Variants in SMC6 observed in about 807,000 individuals in gnomAD.
SMC6 encodes structural maintenance of chromosomes 6.
A neutral mutation model predicts 142.2 loss-of-function variants in SMC6; 79 were observed. The ratio of observed to expected loss-of-function variants is 0.56; its 90% CI spans 0.46 to 0.67. The LOEUF (loss-of-function observed/expected upper bound fraction) is 0.67. Among genes scored for constraint, SMC6 ranks in the 30% least tolerant of loss-of-function variants. The probability of loss-of-function intolerance (pLI) is 0.00; values close to 1 mark genes in which losing one functional copy is unlikely to be tolerated. For missense variants in SMC6, 1,072 were observed against 1,284.0 expected (o/e 0.83, Z 2.52); for synonymous variants, 411 against 412.4 (o/e 1.00, Z 0.04).
At chr2:17,751,005 C>CAA (rs34661130) in intron 2 of SMC6, among the ~76,000 whole-genome samples, 19,109 of 53,492 alleles carry the variant, frequency 0.36, 4,963 homozygotes, top group Non-Finnish European at 0.39. Flanking sequence ...ACAGCTGTCT[C>CAA]AAAAAAAAAA....
chr2:17,731,704 ATATTT>A lies in SMC6; in HGVS notation c.481+32_481+36del, dbSNP rs796075316. On this transcript the variant is annotated intron_variant, in intron 6 of 27. Transcript: ENST00000448223. ...TCTAATTCTTTTTGAGTATTTCCTA[ATATTT>A]TATAAGAAATGAAAAGAGAATCAAA... The A allele has an allele frequency of 9.5e-6, 15 of 1,585,054 alleles. No homozygotes were observed. The African/African-American group carries it at 1.2e-4, about 13-fold the overall frequency.
chr2:17,750,986 CAA>C (rs1030528272), intron 2 of SMC6, among the ~76,000 whole-genome samples: 3 of 85,106 alleles, frequency 3.5e-5, no homozygotes, highest in African/African-American at 1.5e-4. Flanking sequence ...GCCTGGACAA[CAA>C]GAGTGAACAG....
chr2:17,709,676 C>T (rs527425343), intron 16 of SMC6, among the ~76,000 whole-genome samples: 145 of 152,066 alleles, frequency 9.5e-4, no homozygotes, highest in Non-Finnish European at 1.8e-3. Context: ...CAGACTACAC[C>T]CTGTTCATGG....
At chr2:17,726,869 C>T (rs1418288333) in intron 7 of SMC6, among the ~76,000 whole-genome samples, 2 of 152,106 alleles carry the variant, frequency 1.3e-5, no homozygotes, top group African/African-American at 4.8e-5. Context: ...TCAGTCACCT[C>T]GGGTTCTTGT....
rs145615516 is a variant in SMC6, at chr2:17,751,448, A to C, written c.-6+1530T>G. On this transcript the variant is annotated intron_variant, in intron 2 of 27. Transcript: ENST00000448223. ...ACTGCACTCCAACCTCGGCGACAAG[A>C]GTAAAACTCTGTCTCAAACAAAAAA... Among the ~76,000 whole-genome samples, 161 of 150,428 alleles carry C rather than the reference A, an allele frequency of 1.1e-3. 3 individuals carry two copies. The East Asian group carries it at 0.028, about 26-fold the overall frequency.
In SMC6 at chr2:17,716,133, T is replaced by G; in HGVS notation, c.1478A>C (p.Asp493Ala). The G allele has an allele frequency of 6.2e-7, 1 of 1,608,008 alleles. No individual in the cohort carries two copies. The highest frequency in any genetic ancestry group is 8.5e-7 in the Non-Finnish European group (1 of 1,178,516). ...GGTAAAATGTCCTTGTCTATAAGCATCATCTATGGCTTCAAGAAGAGCTGG... is the reference window on the plus strand; with the variant it reads ...GGTAAAATGTCCTTGTCTATAAGCAGCATCTATGGCTTCAAGAAGAGCTGG... The part of the protein sequence containing the change: ...NVPALLEAID[D>A]AYRQGHFTYK... The change falls in exon 15 of 28, where the codon GAT (aspartate) becomes GCT (alanine). Residue 493 changes from aspartate (D) to alanine (A), a missense_variant. Asp to Ala is a moderately radical substitution (Grantham distance 126). Coordinates refer to ENST00000448223, the MANE Select transcript of SMC6 (RefSeq NM_001142286.2).
intron 24 of SMC6, 149 bp downstream of exon 24, chr2:17,683,489 G>C (rs896778218): frequency 4.2e-6 from 3 of 713,560 alleles, no homozygotes; most frequent in Non-Finnish European, 6.5e-6. Context: ...CTTCAGATTC[G>C]GAATTGTCTG....
chr2:17,681,352 T>C (rs1667231441), intron 24 of SMC6: 1 of 152,344 alleles, frequency 6.6e-6, no homozygotes, highest in African/African-American at 2.4e-5. Flanking sequence ...GTGTATTCAC[T>C]GGAATAGCAC....
At chr2:17,721,065 G>C (rs1346506831) in intron 10 of SMC6, 27 bp from the exon 11 acceptor site, 1 of 1,612,370 alleles carries the variant, frequency 6.2e-7, no homozygotes, top group East Asian at 2.2e-5. Context: ...ATAGCAAATT[G>C]ATCAGATTAA....
At chr2:17,717,624 T>C (rs1227137705) in intron 12 of SMC6, among the ~76,000 whole-genome samples, 2 of 152,048 alleles carry the variant, frequency 1.3e-5, no homozygotes, top group African/African-American at 4.8e-5. Context: ...TGAGCTGAGA[T>C]TGCGCCACTG....
intron 23 of SMC6, among the ~76,000 whole-genome samples, chr2:17,691,280 C>CA (rs1298096948): frequency 7.3e-6 from 1 of 137,224 alleles, no homozygotes; most frequent in African/African-American, 2.7e-5. Context: ...TATTCAGCTA[C>CA]AAAAAAGCTA....
At position 17,696,330 on chromosome 2, in the gene SMC6, T is replaced by C. The variant is rs746912004; in HGVS notation, c.2491A>G (p.Lys831Glu). 1.1e-5 allele frequency: 17 copies of C among 1,603,204 alleles called. No homozygotes were observed. The highest frequency in any genetic ancestry group is 1.4e-5 in the Non-Finnish European group (16 of 1,177,792). ...TTCATATCCAGTTCTCGTTTCTTTT[T>C]ATTTAAGGTATCCAAGTGTTCTTTT... is the stretch of plus-strand genomic sequence containing the variant. ...KQKEHLDTLN[K>E]KKRELDMKEK... The change falls in exon 22 of 28, where the codon AAA becomes GAA. Residue 831 changes from lysine (K) to glutamate (E), a missense_variant. By Grantham distance (56) the Lys-to-Glu change is moderately conservative. Around this residue, in one of 3 missense-constraint regions of SMC6, gnomAD observed 994 missense variants for 1,153.2 expected, o/e 0.86. Transcript: ENST00000448223.
chr2:17,694,000 CAAAAAAAAA>C (rs751816590), intron 23 of SMC6, among the ~76,000 whole-genome samples: 1 of 34,514 alleles, frequency 2.9e-5, no homozygotes, highest in Admixed American at 3.0e-4. Flanking sequence ...AACTCCATCT[CAAAAAAAAA>C]AAAAAAAAAA....
rs1384410462 is a variant in SMC6 at position 17,753,614 on chromosome 2, C to A, written c.-93+12G>T. Reference sequence around the variant, plus strand: ...GAGCAAGGGAAAGCGACAGCGCGCGCCTTCACCCTACCGCCAACAAGTCGA... The same window carrying A: ...GAGCAAGGGAAAGCGACAGCGCGCGACTTCACCCTACCGCCAACAAGTCGA... On this transcript the variant is annotated intron_variant, in intron 1 of 27. Coordinates refer to ENST00000448223, the MANE Select transcript of SMC6 (RefSeq NM_001142286.2). The A allele has an allele frequency of 6.6e-6, 1 of 152,282 alleles. No homozygotes were observed. Among genetic ancestry groups the A allele is most frequent in the Non-Finnish European group, 1.5e-5 (1 of 68,076 alleles). 9.4% of individuals were successfully genotyped at this position (152,282 alleles called of 1,614,324 possible). A position where few individuals can be genotyped will look rare whatever the true frequency, so the allele number is the denominator to read the frequency against.
chr2:17,685,174 TATAG>T (rs1030433135), intron 23 of SMC6, among the ~76,000 whole-genome samples: 2 of 147,718 alleles, frequency 1.4e-5, no homozygotes, highest in Non-Finnish European at 3.0e-5. Context: ...CTAGAGAAGA[TATAG>T]ATATTCAACA....
intron 25 of SMC6, among the ~76,000 whole-genome samples, chr2:17,673,152 G>A (rs1186402005): frequency 6.6e-6 from 1 of 152,080 alleles, no homozygotes; most frequent in Admixed American, 6.5e-5. Flanking sequence ...TTTCTCTGAT[G>A]ACTAACAGCG....
intron 7 of SMC6, among the ~76,000 whole-genome samples, chr2:17,727,768 T>C (rs1237627336): frequency 6.6e-6 from 1 of 152,218 alleles, no homozygotes. Flanking sequence ...ATGTTCACTG[T>C]CTACAAAATA....
intron 7 of SMC6, among the ~76,000 whole-genome samples, chr2:17,730,007 T>A (rs1401915704): frequency 6.6e-6 from 1 of 152,146 alleles, no homozygotes; most frequent in African/African-American, 2.4e-5. Flanking sequence ...TGATGGCAAG[T>A]CTTGGTGTTC....
At chr2:17,678,716 C>T in intron 25 of SMC6, 143 bp downstream of exon 25, 1 of 566,206 alleles carries the variant, frequency 1.8e-6, no homozygotes. Context: ...TTCAAGGTTA[C>T]AGTGAGCTAT....
Sources: gnomAD v4.1 joint callset for allele counts (sites outside exome capture counted in the v4.1 genomes callset) on GRCh38, gnomAD v4.1.1 for gene constraint, gnomAD v4.1.1 regional missense constraint, MANE v1.5 for transcripts, NCBI Gene and HGNC (gene_info 2026-07-23, HGNC 2026-07-21) for gene names.